Variants in RAB10 observed in about 807,000 individuals in gnomAD.
RAB10 encodes RAB10, member RAS oncogene family.
Under a neutral mutation model 25.7 loss-of-function variants are expected in RAB10, and 5 were observed. The ratio of observed to expected loss-of-function variants is 0.19; its 90% CI spans 0.10 to 0.41. The LOEUF (loss-of-function observed/expected upper bound fraction) is 0.41, where lower values mean the gene tolerates loss of function less well. RAB10 is among the 10% of genes least tolerant of loss of function. The pLI is 1.00. For missense variants in RAB10, 103 were observed against 245.8 expected (o/e 0.42, Z 3.89); for synonymous variants, 89 against 86.4 (o/e 1.03, Z -0.16).
chr2:26,051,916 G>A (rs1666143780), intron 1 of RAB10, among the ~76,000 whole-genome samples: 1 of 149,564 alleles, frequency 6.7e-6, no homozygotes, highest in Non-Finnish European at 1.5e-5. Context: ...AATTAGCTGG[G>A]CATGGTGGCA....
upstream of RAB10, among the ~76,000 whole-genome samples, chr2:26,033,473 T>C (rs539208860): frequency 6.6e-6 from 1 of 152,374 alleles, no homozygotes; most frequent in East Asian, 1.9e-4. Flanking sequence ...ACTCTTGCTC[T>C]TGAAGTCAAT....
At chr2:26,098,785 A>G (rs1305866395) in intron 2 of RAB10, 63 bp downstream of exon 2, 6 of 1,367,788 alleles carry the variant, frequency 4.4e-6, no homozygotes, top group Non-Finnish European at 6.0e-6. Context: ...TCACAGTGAA[A>G]TTCTTTTTTG....
At chr2:26,054,027 T>C (rs530789025) in intron 1 of RAB10, among the ~76,000 whole-genome samples, 50 of 147,694 alleles carry the variant, frequency 3.4e-4, no homozygotes, top group African/African-American at 1.0e-3. Context: ...TTTTTTTTTT[T>C]CCCTTCTGTT....
chr2:26,062,138 A>G (rs1372292981), intron 1 of RAB10, among the ~76,000 whole-genome samples: 1 of 152,220 alleles, frequency 6.6e-6, no homozygotes, highest in Non-Finnish European at 1.5e-5. Context: ...AATAATATAT[A>G]CATCTGTTTT....
intron 1 of RAB10, among the ~76,000 whole-genome samples, chr2:26,073,632 A>G (rs949167275): frequency 3.9e-5 from 6 of 152,228 alleles, no homozygotes; most frequent in African/African-American, 1.4e-4. Context: ...GGCAGCATAG[A>G]TAAGAAAACA....
intron 3 of RAB10, among the ~76,000 whole-genome samples, chr2:26,110,518 G>T (rs908762848): frequency 6.6e-6 from 1 of 151,958 alleles, no homozygotes; most frequent in African/African-American, 2.4e-5. Flanking sequence ...TTCTGGAAAT[G>T]AATTTTTTCT....
chr2:26,101,265 C>T (rs989624244), intron 2 of RAB10: 1 of 152,168 alleles, frequency 6.6e-6, no homozygotes, highest in Non-Finnish European at 1.5e-5. Context: ...GCTGGACCCT[C>T]TCCCTTTTCA....
intron 1 of RAB10, among the ~76,000 whole-genome samples, chr2:26,083,549 C>T (rs1257495068): frequency 2.6e-5 from 4 of 151,810 alleles, no homozygotes; most frequent in Non-Finnish European, 2.9e-5. Context: ...CTGCAACCTC[C>T]GCCTCCCAGG....
intron 1 of RAB10, among the ~76,000 whole-genome samples, chr2:26,082,451 G>C (rs1044058620): frequency 6.6e-5 from 10 of 152,040 alleles, no homozygotes. Flanking sequence ...TGATAAAGGG[G>C]TCAGTTTGTC....
At chr2:26,062,845 T>C (rs1666434554) in intron 1 of RAB10, among the ~76,000 whole-genome samples, 1 of 152,142 alleles carries the variant, frequency 6.6e-6, no homozygotes, top group Non-Finnish European at 1.5e-5. Flanking sequence ...CCAGGTGTGG[T>C]GGCTCATGCC....
intron 1 of RAB10, among the ~76,000 whole-genome samples, chr2:26,041,594 C>T (rs1665888219): frequency 7.0e-6 from 1 of 142,500 alleles, no homozygotes; most frequent in Non-Finnish European, 1.5e-5. Flanking sequence ...CTTAATAGGG[C>T]AAGACTGCTC....
At chr2:26,061,276 C>T (rs910858736) in intron 1 of RAB10, among the ~76,000 whole-genome samples, 4 of 151,516 alleles carry the variant, frequency 2.6e-5, no homozygotes, top group South Asian at 2.1e-4. Flanking sequence ...CCACCAGGTC[C>T]GGCTAATTTT....
intron 2 of RAB10, 80 bp downstream of exon 2, chr2:26,098,802 G>T: frequency 8.2e-7 from 1 of 1,222,486 alleles, no homozygotes; most frequent in Non-Finnish European, 1.1e-6. Flanking sequence ...TTTGTCACAG[G>T]TTTAGATTCT....
At position 26,130,815 on chromosome 2, in the gene RAB10, G is replaced by A. The variant is rs867914227; in HGVS notation, c.519+2864G>A. On this transcript the variant is annotated intron_variant, in intron 5 of 5. Transcript: ENST00000264710. ...ATGCTTGTTTTAAACTTGGTGGAAG[G>A]TACTTTGTATTTCAGACATTAATGG... 3.3e-5 allele frequency among the ~76,000 whole-genome samples: 5 copies of A among 152,200 alleles called. No homozygotes were observed. In the Middle Eastern group the frequency reaches 0.01, roughly 311 times the overall value.
chr2:26,105,473 A>G (rs1667448569), intron 2 of RAB10, among the ~76,000 whole-genome samples: 1 of 152,030 alleles, frequency 6.6e-6, no homozygotes, highest in African/African-American at 2.4e-5. Flanking sequence ...CAACATACAT[A>G]GTGAAACCCC....
chr2:26,077,467 T>C (rs550565777), intron 1 of RAB10, among the ~76,000 whole-genome samples: 79 of 152,348 alleles, frequency 5.2e-4, no homozygotes, highest in Non-Finnish European at 9.7e-4. Context: ...TCTAAAATAA[T>C]GCGTAACAAA....
intron 2 of RAB10, among the ~76,000 whole-genome samples, chr2:26,106,482 A>G (rs182839026): frequency 3.9e-5 from 6 of 152,346 alleles, no homozygotes; most frequent in South Asian, 2.1e-4. Flanking sequence ...AAGCAATTCA[A>G]TGGAGCAAGG....
chr2:26,088,638 G>A (rs1050485471), intron 1 of RAB10, among the ~76,000 whole-genome samples: 3 of 151,924 alleles, frequency 2.0e-5, no homozygotes, highest in Admixed American at 6.6e-5. Flanking sequence ...GGAGTCTTGC[G>A]AATCTTGCTC....
chr2:26,097,131 C>T (rs1268321850), intron 1 of RAB10, among the ~76,000 whole-genome samples: 3 of 152,162 alleles, frequency 2.0e-5, no homozygotes, highest in Non-Finnish European at 4.4e-5. Flanking sequence ...GTAAGAGGAT[C>T]ACTTAAGCCG....
Sources: allele counts gnomAD v4.1 joint callset (sites outside exome capture counted in the v4.1 genomes callset), GRCh38; gene constraint gnomAD v4.1.1; transcripts MANE v1.5; gene names NCBI Gene and HGNC (gene_info 2026-07-23, HGNC 2026-07-21).